The following DBT variants were observed in gnomAD, a reference collection of about 807,000 sequenced individuals.
DBT encodes lipoamide acyltransferase component of branched-chain alpha-keto acid dehydrogenase complex, mitochondrial.
In DBT, 40 loss-of-function variants were observed where a neutral mutation model predicts 51.3. That is an observed-to-expected ratio of 0.78 (90% CI 0.61 to 1.02). The LOEUF is 1.02. Ranked by LOEUF, DBT falls within the 50% of genes least tolerant of loss-of-function variation. DBT has a pLI of 0.00. For synonymous variants in DBT, 181 were observed against 190.4 expected, an observed-to-expected ratio of 0.95 and a Z score of 0.41; for missense variants, 510 against 580.2, an observed-to-expected ratio of 0.88 and a Z score of 1.24.
intron 8 of DBT, among the ~76,000 whole-genome samples, chr1:100,208,736 A>C (rs1193836866): frequency 2.7e-5 from 4 of 145,900 alleles, no homozygotes; most frequent in African/African-American, 9.9e-5. Flanking sequence ...CATTTCTACA[A>C]AAAAAAAAAA....
rs958586923 is a variant in DBT at position 100,195,896 on chromosome 1, C to T, written c.*359G>A. The T allele has an allele frequency of 2.5e-5, 7 of 284,642 alleles. No homozygotes were observed. Among genetic ancestry groups the T allele is most frequent in the African/African-American group, 6.7e-5 (3 of 44,628 alleles). 17.6% of individuals were successfully genotyped at this position (284,642 alleles called of 1,614,324 possible). ...GCCAGGCTGGTCTCAAACTTCTAACCTCAGGTGATCCGCCCACCTGGGCCT... is the reference window on the plus strand; with the variant it reads ...GCCAGGCTGGTCTCAAACTTCTAACTTCAGGTGATCCGCCCACCTGGGCCT... On this transcript the variant is annotated 3_prime_UTR_variant, in exon 11 of 11. Transcript: ENST00000370132.
chr1:100,209,320 G>A (rs1472451575), intron 8 of DBT, among the ~76,000 whole-genome samples: 2 of 151,684 alleles, frequency 1.3e-5, no homozygotes, highest in Non-Finnish European at 2.9e-5. Flanking sequence ...TGCTGGTCTT[G>A]AATTCCTAGG....
chr1:100,234,165 C>T (rs1025070172), intron 3 of DBT, among the ~76,000 whole-genome samples: 80 of 152,174 alleles, frequency 5.3e-4, no homozygotes, highest in African/African-American at 1.9e-3. Context: ...TTCAAGAAAG[C>T]TCTTAATATT....
intron 4 of DBT, among the ~76,000 whole-genome samples, chr1:100,228,226 A>G (rs368557987): frequency 1.3e-5 from 2 of 152,344 alleles, no homozygotes; most frequent in East Asian, 3.9e-4. Flanking sequence ...TAACACCACA[A>G]TGCAACAAGA....
chr1:100,241,790 GGGCA>G (rs1664235067), intron 1 of DBT, among the ~76,000 whole-genome samples: 1 of 152,160 alleles, frequency 6.6e-6, no homozygotes, highest in Non-Finnish European at 1.5e-5. Context: ...AGGCCAAGGT[GGGCA>G]GATCACGAGG....
chr1:100,233,138 C>T lies in DBT; in HGVS notation c.252-2224G>A, dbSNP rs1260306579. Among the ~76,000 whole-genome samples the T allele has an allele frequency of 2.0e-5, 3 of 151,920 alleles. No homozygotes were observed. The East Asian group carries it at 5.8e-4, about 29-fold the overall frequency. ...ACACAAGGCCAGGTGTGATGGCTCG[C>T]CTGTAATCTCAGGAGTTTGAGACCA... On this transcript the variant is annotated intron_variant, in intron 3 of 10. Coordinates refer to ENST00000370132, the MANE Select transcript of DBT (RefSeq NM_001918.5).
rs574800342 is a variant in DBT, at chr1:100,194,578, T to G, written c.*1677A>C. 2 of 152,320 alleles carry G rather than the reference T, an allele frequency of 1.3e-5. No individual in the cohort carries two copies. The highest frequency in any genetic ancestry group is 4.1e-4 in the South Asian group (2 of 4,820). The allele number at this position is 152,320 out of a possible 1,614,324, so 9.4% of individuals were successfully genotyped here. Reference sequence around the variant, plus strand: ...CCAGGGTGGTCTCGAACTCCTGACCTCAGGTGATCTGGCCACCTCGGCCTC... The same window carrying G: ...CCAGGGTGGTCTCGAACTCCTGACCGCAGGTGATCTGGCCACCTCGGCCTC... On this transcript the variant is annotated 3_prime_UTR_variant, in exon 11 of 11. Coordinates refer to ENST00000370132, the MANE Select transcript of DBT (RefSeq NM_001918.5).
At chr1:100,199,225 T>A (rs965440833) in intron 10 of DBT, among the ~76,000 whole-genome samples, 1 of 152,198 alleles carries the variant, frequency 6.6e-6, no homozygotes, top group Non-Finnish European at 1.5e-5. Context: ...ATCACCTTTT[T>A]GCACTCATTT....
At chr1:100,207,673 T>A (rs1449076052) in intron 8 of DBT, among the ~76,000 whole-genome samples, 1 of 151,932 alleles carries the variant, frequency 6.6e-6, no homozygotes, top group Non-Finnish European at 1.5e-5. Flanking sequence ...AAATTTTTTT[T>A]AATTAGCTAC....
rs1276908611 is a variant in DBT at position 100,194,223 on chromosome 1, A to G, written c.*2032T>C. 6.6e-6 allele frequency: 1 copy of G among 152,158 alleles called. No individual in the cohort carries two copies. The highest frequency in any genetic ancestry group is 2.4e-5 in the African/African-American group (1 of 41,446). 9.4% of individuals were successfully genotyped at this position (152,158 alleles called of 1,614,324 possible). A position where few individuals can be genotyped will look rare whatever the true frequency, so the allele number is the denominator to read the frequency against. The stretch of plus-strand genomic sequence containing the variant: ...CACTCTGTCACCCATACTGGAGGAT[A>G]GTGGCACAATGACAGCTCACTACAG... On this transcript the variant is annotated 3_prime_UTR_variant, in exon 11 of 11. Transcript: ENST00000370132.
intron 4 of DBT, among the ~76,000 whole-genome samples, chr1:100,220,050 T>C (rs1662759646): frequency 6.6e-6 from 1 of 151,836 alleles, no homozygotes; most frequent in African/African-American, 2.4e-5. Flanking sequence ...GAGGCTGAAG[T>C]GGGAGGATCA....
At position 100,230,433 on chromosome 1, in the gene DBT, A is replaced by C. The variant is rs6681747; in HGVS notation, c.433+300T>G. Reference sequence around the variant, plus strand: ...ATGCCACCTGAATGTTTGAGTCATTACCCAGAGGAGAAAGGATGGGACATC... The same window carrying C: ...ATGCCACCTGAATGTTTGAGTCATTCCCCAGAGGAGAAAGGATGGGACATC... On this transcript the variant is annotated intron_variant, in intron 4 of 10. Transcript: ENST00000370132. Among the ~76,000 whole-genome samples, 120,894 of 152,134 alleles carry C rather than the reference A, an allele frequency of 0.79. 49,411 individuals carry two copies. Among genetic ancestry groups the C allele is most frequent in the East Asian group, 0.95 (4,926 of 5,180 alleles).
chr1:100,213,659 A>G (rs2100794541), intron 7 of DBT: 1 of 1,610,834 alleles, frequency 6.2e-7, no homozygotes, highest in East Asian at 2.2e-5. Context: ...CTGTGGAGCC[A>G]CCTTCGCTTA....
intron 10 of DBT, among the ~76,000 whole-genome samples, chr1:100,197,291 G>A (rs1203598588): frequency 6.6e-6 from 1 of 152,204 alleles, no homozygotes; most frequent in Admixed American, 6.5e-5. Flanking sequence ...GTAAAGCCAT[G>A]TAGGCCACTG....
At position 100,191,735 on chromosome 1, in the gene DBT, T is replaced by C. The variant is rs1480557737; in HGVS notation, c.*4520A>G. ...GGTCTCCTGGGGGTGTGTGTATATA[T>C]ATGTGTGTGTGTATACACACACACA... On this transcript the variant is annotated 3_prime_UTR_variant, in exon 11 of 11. Transcript: ENST00000370132. 12 of 149,396 alleles carry C rather than the reference T, an allele frequency of 8.0e-5. No individual in the cohort carries two copies. Among genetic ancestry groups the C allele is most frequent in the Admixed American group, 4.7e-4 (7 of 14,998 alleles). 9.3% of individuals were successfully genotyped at this position (149,396 alleles called of 1,614,324 possible).
chr1:100,235,478 G>A lies in DBT; in HGVS notation c.209C>T (p.Ser70Leu), dbSNP rs398123664. The A allele has an allele frequency of 6.3e-7, 1 of 1,598,034 alleles. No individual in the cohort carries two copies. The highest frequency in any genetic ancestry group is 8.6e-7 in the Non-Finnish European group (1 of 1,166,822). ...TTCTCTAATCCCTTCTCCAATGTCT[G>A]AGAGCTTGAACTGAACAACCTGTCC... ...LRGQVVQFKL[S>L]DIGEGIREVT... Residue 70 changes from serine (S) to leucine (L), a missense_variant, in exon 3 of 11, where the codon TCA becomes TTA. By Grantham distance (145) the Ser-to-Leu change is moderately radical (BLOSUM62 -2). Coordinates refer to ENST00000370132, the MANE Select transcript of DBT (RefSeq NM_001918.5).
rs1661798658 is a variant in DBT, at chr1:100,206,484, A to C, written c.1170T>G (p.Asp390Glu). 1.9e-6 allele frequency: 3 copies of C among 1,613,932 alleles called. No homozygotes were observed. The Admixed American group carries it at 5.0e-5, about 27-fold the overall frequency. Reference sequence around the variant, plus strand: ...AAAGAGTAAATGTTCCTCCTGTAAGATCAGTGGTGCTGAGCTGACTCACAG... The same window carrying C: ...AAAGAGTAAATGTTCCTCCTGTAAGCTCAGTGGTGCTGAGCTGACTCACAG... ...LGSVSQLSTT[D>E]LTGGTFTLSN... The change falls in exon 9 of 11, where the codon GAT (aspartate) becomes GAG (glutamate). Residue 390 changes from aspartate to glutamate, a missense_variant. By Grantham distance (45) the Asp-to-Glu change is conservative. Transcript: ENST00000370132.
chr1:100,227,942 G>C (rs1316896314), intron 4 of DBT, among the ~76,000 whole-genome samples: 2 of 152,000 alleles, frequency 1.3e-5, no homozygotes, highest in Non-Finnish European at 2.9e-5. Flanking sequence ...TCTGCCTCTG[G>C]GGTTCAAGCA....
At chr1:100,206,729 CA>C in intron 8 of DBT, 93 bp from the exon 9 acceptor site, 1 of 785,826 alleles carries the variant, frequency 1.3e-6, no homozygotes. Flanking sequence ...AAACCACTAC[CA>C]AAACTCATTT....
Sources: gnomAD v4.1 joint callset for allele counts (sites outside exome capture counted in the v4.1 genomes callset) on GRCh38, gnomAD v4.1.1 for gene constraint, MANE v1.5 for transcripts, NCBI Gene and HGNC (gene_info 2026-07-23, HGNC 2026-07-21) for gene names.